Variants in ERICH1 observed in about 807,000 individuals in gnomAD.
ERICH1 encodes the protein glutamate rich 1.
ERICH1 carries 56 observed loss-of-function variants against 39.6 expected under a neutral mutation model. That is an observed-to-expected ratio of 1.41 (90% CI 1.14 to 1.77). ERICH1 has a LOEUF of 1.77. Ranked by LOEUF, ERICH1 falls within the 40% of genes most tolerant of loss-of-function variation. The pLI, the probability that ERICH1 is intolerant of heterozygous loss-of-function variation, is 0.00. For synonymous variants in ERICH1, 313 were observed against 223.6 expected (o/e 1.40, Z -3.57); for missense variants, 826 against 575.4 (o/e 1.44, Z -4.45).
In ERICH1 at chr8:637,558, C is replaced by T. The variant is rs189949535; in HGVS notation, c.977-22274G>A. 15 of 152,578 alleles carry T rather than the reference C, an allele frequency of 9.8e-5. No individual in the cohort carries two copies. In the East Asian group the frequency reaches 2.5e-3, roughly 26 times the overall value. 9.5% of individuals were successfully genotyped at this position (152,578 alleles called of 1,614,324 possible). A position where few individuals can be genotyped will look rare whatever the true frequency, so the allele number is the denominator to read the frequency against. Reference sequence around the variant, plus strand: ...TCCCGTGGAGTCGTCCAGGGCCCAGCTCCTGCTGTCTGGCTCTGCTCATGG... The same window carrying T: ...TCCCGTGGAGTCGTCCAGGGCCCAGTTCCTGCTGTCTGGCTCTGCTCATGG... On this transcript the variant is annotated intron_variant, in intron 3 of 3. Transcript: ENST00000522706.
chr8:706,756 G>C (rs1043636436), intron 2 of ERICH1, among the ~76,000 whole-genome samples: 1 of 152,118 alleles, frequency 6.6e-6, no homozygotes, highest in Non-Finnish European at 1.5e-5. Context: ...GGCAACAAGA[G>C]TGAAACTCCA....
chr8:637,258 C>T (rs993846216), intron 3 of ERICH1, among the ~76,000 whole-genome samples: 2 of 152,212 alleles, frequency 1.3e-5, no homozygotes, highest in East Asian at 1.9e-4. Context: ...GCCTCGTCCC[C>T]GGCATCCTGC....
At chr8:705,053 T>A (rs1300813957) in intron 2 of ERICH1, among the ~76,000 whole-genome samples, 3 of 152,250 alleles carry the variant, frequency 2.0e-5, no homozygotes, top group Non-Finnish European at 4.4e-5. Flanking sequence ...CAGTCTTATC[T>A]TTGGGACAAA....
At chr8:650,979 C>T (rs1476092597) in intron 3 of ERICH1, among the ~76,000 whole-genome samples, 5 of 152,200 alleles carry the variant, frequency 3.3e-5, no homozygotes, top group Admixed American at 3.3e-4. Context: ...AGATACGAAT[C>T]ACCGAAGCCA....
Position 730,819 on chromosome 8 carries a change from TACTC to T in ERICH1, c.22+317_22+320del, listed in dbSNP as rs749454418. On this transcript the variant is annotated intron_variant, in intron 1 of 5. Coordinates refer to ENST00000262109, the MANE Select transcript of ERICH1 (RefSeq NM_207332.3). ...CCCCTCTGAAGAGCTGAGCGGCTCC[TACTC>T]ACTCACCAACAGGGGCTCTGCTAAG... Among the ~76,000 whole-genome samples the T allele has an allele frequency of 5.1e-4, 77 of 152,300 alleles. 1 individual carries two copies. The highest frequency in any genetic ancestry group is 1.0e-3 in the South Asian group (5 of 4,826).
intron 3 of ERICH1, among the ~76,000 whole-genome samples, chr8:629,569 C>A (rs1797827891): frequency 6.7e-6 from 1 of 148,772 alleles, no homozygotes; most frequent in African/African-American, 2.5e-5. Flanking sequence ...AGAGCTGACT[C>A]ACACCCGCCG....
chr8:634,098 G>T (rs1206702295), intron 3 of ERICH1, among the ~76,000 whole-genome samples: 1 of 148,352 alleles, frequency 6.7e-6, no homozygotes, highest in East Asian at 2.0e-4. Flanking sequence ...CACACAATGG[G>T]GAAAATATTT....
chr8:718,038 G>A (rs868392269), intron 1 of ERICH1, among the ~76,000 whole-genome samples: 4 of 152,068 alleles, frequency 2.6e-5, no homozygotes, highest in South Asian at 4.2e-4. Context: ...ACTGAGAAAC[G>A]GCACAACACA....
At chr8:619,611 A>C (rs984550300) in intron 3 of ERICH1, among the ~76,000 whole-genome samples, 1 of 152,230 alleles carries the variant, frequency 6.6e-6, no homozygotes, top group African/African-American at 2.4e-5. Context: ...CAAACTTTAT[A>C]AACATATACT....
At chr8:708,033 G>C (rs1326748973) in intron 2 of ERICH1, among the ~76,000 whole-genome samples, 1 of 152,008 alleles carries the variant, frequency 6.6e-6, no homozygotes, top group Non-Finnish European at 1.5e-5. Context: ...AACACGCAGG[G>C]AAAGATGCTC....
chr8:631,665 T>C (rs1380307624), intron 3 of ERICH1, among the ~76,000 whole-genome samples: 1 of 152,094 alleles, frequency 6.6e-6, no homozygotes, highest in Non-Finnish European at 1.5e-5. Flanking sequence ...CAACATAAAA[T>C]TTACCACCAG....
At chr8:708,702 T>TTTTG (rs763082804) in intron 2 of ERICH1, among the ~76,000 whole-genome samples, 53 of 114,006 alleles carry the variant, frequency 4.6e-4, no homozygotes, top group Middle Eastern at 8.5e-3. Flanking sequence ...TTTTTTTTTT[T>TTTTG]TTTTTTTTTG....
Position 715,981 on chromosome 8 carries a change from G to A in ERICH1, c.49C>T (p.Leu17Phe), listed in dbSNP as rs1383794190. 5 of 1,613,024 alleles carry A rather than the reference G, an allele frequency of 3.1e-6. No individual in the cohort carries two copies. The highest frequency in any genetic ancestry group is 2.7e-5 in the African/African-American group (2 of 74,826). ...HVFVEKVLQRLFPPVPSGQGK... is the reference protein window; with the variant it reads ...HVFVEKVLQRFFPPVPSGQGK... ...TGGCCACTTGGAACAGGAGGAAAAA[G>A]TCTCTGCAGCACCTTCTCCACAAAC... The change falls in exon 2 of 6, where the codon CTT becomes TTT. Residue 17 changes from leucine (L) to phenylalanine (F), a missense_variant. By Grantham distance (22) the Leu-to-Phe change is conservative. Coordinates refer to ENST00000262109, the MANE Select transcript of ERICH1 (RefSeq NM_207332.3).
chr8:687,915 C>T (rs1807851620), intron 3 of ERICH1, among the ~76,000 whole-genome samples: 1 of 152,110 alleles, frequency 6.6e-6, no homozygotes, highest in Non-Finnish European at 1.5e-5. Context: ...GAGACGGCAC[C>T]CAGGTTTCCC....
intron 3 of ERICH1, chr8:625,969 C>T (rs148281059): frequency 1.6e-4 from 25 of 152,308 alleles, no homozygotes; most frequent in Admixed American, 1.1e-3. Context: ...TTTATTCTGC[C>T]TAGCAAAGGA....
intron 3 of ERICH1, chr8:626,359 A>G (rs934601907): frequency 2.6e-5 from 4 of 152,148 alleles, no homozygotes; most frequent in African/African-American, 7.2e-5. Flanking sequence ...GGGCTTCTCT[A>G]AAGACCCTAC....
intron 2 of ERICH1, among the ~76,000 whole-genome samples, chr8:709,251 T>C (rs888007014): frequency 3.9e-5 from 6 of 152,268 alleles, no homozygotes; most frequent in African/African-American, 1.4e-4. Context: ...AGGGTCTAAA[T>C]TGTCCAAGCA....
chr8:686,776 G>GAC (rs1356650410), intron 3 of ERICH1: 2 of 152,320 alleles, frequency 1.3e-5, no homozygotes, highest in East Asian at 1.9e-4. Flanking sequence ...GAGAGAGAGA[G>GAC]AGAGAGCGCG....
rs757082288 is a variant in ERICH1, at chr8:673,423, C to T, written c.929G>A (p.Gly310Glu). The T allele has an allele frequency of 1.4e-5, 22 of 1,613,760 alleles. No homozygotes were observed. Among genetic ancestry groups the T allele is most frequent in the Non-Finnish European group, 1.8e-5 (21 of 1,179,948 alleles). ...DASEEDPTWA[G>E]EEEGADSGEE... ...CCCGGAGTCTGCACCCTCTTCCTCCCCAGCCCATGTCGGGTCTTCCTCGCT... is the reference window on the plus strand; with the variant it reads ...CCCGGAGTCTGCACCCTCTTCCTCCTCAGCCCATGTCGGGTCTTCCTCGCT... Residue 310 changes from glycine (G) to glutamate (E), a missense_variant, in exon 4 of 6, where the codon GGG (glycine) becomes GAG (glutamate). Transcript: ENST00000262109.
Sources: allele counts gnomAD v4.1 joint callset (sites outside exome capture counted in the v4.1 genomes callset), GRCh38; gene constraint gnomAD v4.1.1; transcripts MANE v1.5; gene names NCBI Gene and HGNC (gene_info 2026-07-23, HGNC 2026-07-21).